Variants in PTPRZ1 observed in about 807,000 individuals in gnomAD.
PTPRZ1 encodes the protein protein tyrosine phosphatase receptor type Z1, also known as receptor-type tyrosine-protein phosphatase zeta.
PTPRZ1 carries 82 observed loss-of-function variants against 214.1 expected under a neutral mutation model. The ratio of observed to expected loss-of-function variants is 0.38; its 90% CI spans 0.32 to 0.46. The LOEUF is 0.46. Among genes scored for constraint, PTPRZ1 ranks in the 20% least tolerant of loss-of-function variants. The pLI, the probability that PTPRZ1 is intolerant of heterozygous loss-of-function variation, is 1.00. For synonymous variants in PTPRZ1, 945 were observed against 987.9 expected, an observed-to-expected ratio of 0.96 and a Z score of 0.81; for missense variants, 2,603 against 2,748.7, an observed-to-expected ratio of 0.95 and a Z score of 1.19.
At chr7:121,891,348 C>T (rs1003924416) in intron 1 of PTPRZ1, among the ~76,000 whole-genome samples, 5 of 151,080 alleles carry the variant, frequency 3.3e-5, no homozygotes, top group African/African-American at 4.9e-5. Context: ...GAATGTAAGC[C>T]CCTTGAAGGT....
At chr7:121,937,732 A>G (rs921681184) in intron 2 of PTPRZ1, among the ~76,000 whole-genome samples, 1 of 152,188 alleles carries the variant, frequency 6.6e-6, no homozygotes, top group East Asian at 1.9e-4. Flanking sequence ...CCCTTAGGGG[A>G]TGCTATTCAG....
At chr7:121,888,348 T>G (rs2116199984) in intron 1 of PTPRZ1, among the ~76,000 whole-genome samples, 1 of 152,016 alleles carries the variant, frequency 6.6e-6, no homozygotes, top group Non-Finnish European at 1.5e-5. Context: ...AAAAATAGAT[T>G]GTGAAAAATA....
chr7:122,040,804 G>T lies in PTPRZ1; in HGVS notation c.5638-12G>T. On this transcript the variant is annotated splice_polypyrimidine_tract_variant and intron_variant, in intron 20 of 29. Coordinates refer to ENST00000393386, the MANE Select transcript of PTPRZ1 (RefSeq NM_002851.3). ...TGTGTTTGACTGTTATTAACTGTCT[G>T]AACTTTTCCAGGGCTCCCAGAAAGG... 1 of 1,513,958 alleles carries T rather than the reference G, an allele frequency of 6.6e-7. No homozygotes were observed. Among genetic ancestry groups the T allele is most frequent in the South Asian group, 1.3e-5 (1 of 79,194 alleles). 93.8% of individuals were successfully genotyped at this position (1,513,958 alleles called of 1,614,324 possible).
chr7:121,886,811 T>C lies in PTPRZ1; in HGVS notation c.58+13254T>C, dbSNP rs573841463. Among the ~76,000 whole-genome samples, 70 of 152,208 alleles carry C rather than the reference T, an allele frequency of 4.6e-4. 1 individual carries two copies. In the Middle Eastern group the frequency reaches 0.01, roughly 22 times the overall value. ...CCAGGGTCCCCATCCATGGAAACCT[T>C]TGAGAAAATAATGAACAAAATTTTA... is the stretch of plus-strand genomic sequence containing the variant. On this transcript the variant is annotated intron_variant, in intron 1 of 29. Coordinates refer to ENST00000393386, the MANE Select transcript of PTPRZ1 (RefSeq NM_002851.3).
chr7:121,934,114 A>G (rs1055499805), intron 2 of PTPRZ1, among the ~76,000 whole-genome samples: 7 of 152,212 alleles, frequency 4.6e-5, no homozygotes, highest in Non-Finnish European at 1.0e-4. Context: ...ATGAAACCAT[A>G]GGAGGCAGGA....
intron 1 of PTPRZ1, among the ~76,000 whole-genome samples, chr7:121,914,406 G>A (rs1795360184): frequency 1.3e-5 from 2 of 152,120 alleles, no homozygotes; most frequent in Admixed American, 6.6e-5. Flanking sequence ...TAAGCTTTAT[G>A]TATAGAAAAG....
rs760433763 is a variant in PTPRZ1 at position 122,026,676 on chromosome 7, G to A, written c.4989-1876G>A. 3.6e-4 allele frequency among the ~76,000 whole-genome samples: 55 copies of A among 152,000 alleles called. 1 individual carries two copies. The highest frequency in any genetic ancestry group is 6.3e-4 in the Non-Finnish European group (43 of 68,010). ...GTATCCACTCACCTTTCTCTTATTC[G>A]ACCTGCTCTCTCTTGAAGATATTTC... On this transcript the variant is annotated intron_variant, in intron 13 of 29. Coordinates refer to ENST00000393386, the MANE Select transcript of PTPRZ1 (RefSeq NM_002851.3).
chr7:121,898,597 C>T (rs764917971), intron 1 of PTPRZ1, among the ~76,000 whole-genome samples: 2 of 152,078 alleles, frequency 1.3e-5, no homozygotes, highest in Admixed American at 6.6e-5. Flanking sequence ...ATGTTGTCTA[C>T]ACTTCCTTCA....
chr7:121,940,494 G>C (rs1443143880), intron 2 of PTPRZ1, among the ~76,000 whole-genome samples: 1 of 152,124 alleles, frequency 6.6e-6, no homozygotes. Context: ...AAGCTCCAGA[G>C]ACAGTCCTAC....
chr7:121,942,820 G>A (rs970044852), intron 2 of PTPRZ1, among the ~76,000 whole-genome samples: 1 of 151,950 alleles, frequency 6.6e-6, no homozygotes, highest in Non-Finnish European at 1.5e-5. Flanking sequence ...TTAATATTTG[G>A]CCTTAAATAG....
chr7:121,976,065 TACATGTAA>T (rs1797422689), intron 4 of PTPRZ1, 100 bp from the exon 5 acceptor site: 2 of 653,510 alleles, frequency 3.1e-6, no homozygotes, highest in African/African-American at 3.5e-5. Flanking sequence ...TGTAGTTGTA[TACATGTAA>T]TTTATAAAAG....
chr7:121,956,409 A>G (rs1353280921), intron 2 of PTPRZ1, among the ~76,000 whole-genome samples: 5 of 152,196 alleles, frequency 3.3e-5, no homozygotes, highest in South Asian at 2.1e-4. Flanking sequence ...GAAAGCCACT[A>G]TAAAACTCAA....
intron 1 of PTPRZ1, among the ~76,000 whole-genome samples, chr7:121,878,808 TC>T (rs1469498020): frequency 6.6e-6 from 1 of 152,178 alleles, no homozygotes; most frequent in Non-Finnish European, 1.5e-5. Context: ...AACATTGCAT[TC>T]TTGAACTTAG....
Position 121,898,555 on chromosome 7 carries a change from T to C in PTPRZ1, c.58+24998T>C, listed in dbSNP as rs556996236. 7.9e-4 allele frequency among the ~76,000 whole-genome samples: 121 copies of C among 152,296 alleles called. 1 individual carries two copies. The highest frequency in any genetic ancestry group is 2.6e-3 in the African/African-American group (109 of 41,554). ...TTCATTTTTTTTAATATACTGTTTTTCTTCCCTGCCAGAATAATGCCAACT... is the reference window on the plus strand; with the variant it reads ...TTCATTTTTTTTAATATACTGTTTTCCTTCCCTGCCAGAATAATGCCAACT... On this transcript the variant is annotated intron_variant, in intron 1 of 29. Transcript: ENST00000393386.
At chr7:122,045,715 A>G (rs1328459525) in intron 23 of PTPRZ1, among the ~76,000 whole-genome samples, 1 of 105,562 alleles carries the variant, frequency 9.5e-6, no homozygotes, top group Non-Finnish European at 2.1e-5. Flanking sequence ...CACACACACA[A>G]TATTACCCAT....
intron 1 of PTPRZ1, among the ~76,000 whole-genome samples, chr7:121,900,866 T>G (rs1295346152): frequency 6.6e-6 from 1 of 152,198 alleles, no homozygotes; most frequent in Non-Finnish European, 1.5e-5. Flanking sequence ...TGACCACTGT[T>G]TCTTGTACAT....
chr7:121,989,729 G>A (rs1481059321), intron 8 of PTPRZ1, among the ~76,000 whole-genome samples: 1 of 152,142 alleles, frequency 6.6e-6, no homozygotes, highest in Non-Finnish European at 1.5e-5. Context: ...TTGAGAATAA[G>A]AATTGAGGAT....
At chr7:121,877,888 CAA>C (rs1246167999) in intron 1 of PTPRZ1, among the ~76,000 whole-genome samples, 11 of 151,208 alleles carry the variant, frequency 7.3e-5, no homozygotes, top group African/African-American at 1.9e-4. Flanking sequence ...CCAATTTAAA[CAA>C]GAGAGAGATA....
chr7:122,038,638 A>AT (rs1285895603), intron 18 of PTPRZ1, 117 bp from the exon 19 acceptor site: 1 of 944,068 alleles, frequency 1.1e-6, no homozygotes, highest in African/African-American at 1.7e-5. Context: ...TTGCAAGTTT[A>AT]TTTTTTATGG....
Sources: allele counts gnomAD v4.1 joint callset (sites outside exome capture counted in the v4.1 genomes callset), GRCh38; gene constraint gnomAD v4.1.1; transcripts MANE v1.5; gene names NCBI Gene and HGNC (gene_info 2026-07-23, HGNC 2026-07-21).